NRXN1: variants seen among roughly 807,000 people sequenced by gnomAD.
NRXN1 encodes the protein neurexin 1.
NRXN1 carries 39 observed loss-of-function variants against 150.9 expected under a neutral mutation model. The observed-to-expected ratio is 0.26, with a 90% CI of 0.20 to 0.34. NRXN1 has a LOEUF of 0.34. NRXN1 is among the 10% of genes least tolerant of loss of function. The pLI, the probability that NRXN1 is intolerant of heterozygous loss-of-function variation, is 1.00. For missense variants in NRXN1, 1,815 were observed against 1,949.9 expected (o/e 0.93, Z 1.30); for synonymous variants, 924 against 757.0 (o/e 1.22, Z -3.62).
intron 17 of NRXN1, among the ~76,000 whole-genome samples, chr2:50,239,279 C>T (rs1300604795): frequency 1.3e-5 from 2 of 151,652 alleles, no homozygotes; most frequent in African/African-American, 2.4e-5. Context: ...AGTGCTGATA[C>T]TTAATAATTA....
At chr2:50,786,894 A>T (rs1312484903) in intron 5 of NRXN1, among the ~76,000 whole-genome samples, 1 of 152,196 alleles carries the variant, frequency 6.6e-6, no homozygotes. Flanking sequence ...TAACATATAA[A>T]AAAATGGAAA....
In NRXN1 at chr2:50,886,534, T is replaced by C. The variant is rs1680275142; in HGVS notation, c.832+35335A>G. Among the ~76,000 whole-genome samples, 5 of 151,496 alleles carry C rather than the reference T, an allele frequency of 3.3e-5. No individual in the cohort carries two copies. The South Asian group carries it at 1.0e-3, about 31-fold the overall frequency. ...AGACAATCTCATAAGATTTGAGATGTAGAAGATTACAAACAAAAAATAATT... is the reference window on the plus strand; with the variant it reads ...AGACAATCTCATAAGATTTGAGATGCAGAAGATTACAAACAAAAAATAATT... On this transcript the variant is annotated intron_variant, in intron 5 of 22. Transcript: ENST00000401669.
At chr2:49,934,291 A>AC (rs1670633713) in intron 22 of NRXN1, among the ~76,000 whole-genome samples, 1 of 152,150 alleles carries the variant, frequency 6.6e-6, no homozygotes, top group Admixed American at 6.5e-5. Flanking sequence ...CTGCTCTGGA[A>AC]TTGCACAGTG....
At chr2:50,954,789 TCA>T (rs1214316962) in intron 2 of NRXN1, among the ~76,000 whole-genome samples, 2 of 152,186 alleles carry the variant, frequency 1.3e-5, no homozygotes, top group Non-Finnish European at 2.9e-5. Context: ...AGGAGCTTCT[TCA>T]CAGACGTCCT....
chr2:50,805,235 A>G (rs1667359319), intron 5 of NRXN1, among the ~76,000 whole-genome samples: 2 of 152,156 alleles, frequency 1.3e-5, no homozygotes, highest in Non-Finnish European at 1.5e-5. Flanking sequence ...AAAAAAAAGT[A>G]TTGGGATTTT....
At chr2:50,008,063 G>C (rs62132489) in intron 21 of NRXN1, among the ~76,000 whole-genome samples, 3 of 151,892 alleles carry the variant, frequency 2.0e-5, no homozygotes, top group African/African-American at 4.8e-5. Context: ...CTCTTTAAAT[G>C]TGTATAACCA....
intron 5 of NRXN1, among the ~76,000 whole-genome samples, chr2:50,680,324 C>G (rs1218256460): frequency 6.6e-6 from 1 of 151,504 alleles, no homozygotes; most frequent in East Asian, 1.9e-4. Context: ...AATTTATTAC[C>G]CAAGCCACTC....
intron 5 of NRXN1, among the ~76,000 whole-genome samples, chr2:50,733,448 G>C (rs950522101): frequency 1.3e-5 from 2 of 152,082 alleles, no homozygotes; most frequent in African/African-American, 4.8e-5. Context: ...TGCTGCGTTT[G>C]GGATGGCAAA....
chr2:50,431,794 CAA>C (rs1223535388), intron 17 of NRXN1, among the ~76,000 whole-genome samples: 3 of 152,100 alleles, frequency 2.0e-5, no homozygotes, highest in African/African-American at 7.2e-5. Context: ...GTCCTTTACA[CAA>C]AAAGTTTGTT....
In NRXN1 at chr2:49,939,097, C is replaced by G. The variant is rs115865315; in HGVS notation, c.4216+4607G>C. ...GTATAAAAATAACAAATACTAATAA[C>G]AGGAAACACTCATATAGCACTTATT... is the stretch of plus-strand genomic sequence containing the variant. On this transcript the variant is annotated intron_variant, in intron 22 of 22. Coordinates refer to ENST00000401669, the MANE Select transcript of NRXN1 (RefSeq NM_001330078.2). Among the ~76,000 whole-genome samples the G allele has an allele frequency of 3.1e-3, 474 of 152,192 alleles. 2 individuals carry two copies. Among genetic ancestry groups the G allele is most frequent in the African/African-American group, 0.011 (441 of 41,524 alleles).
intron 5 of NRXN1, among the ~76,000 whole-genome samples, chr2:50,710,128 G>A (rs1433571252): frequency 6.6e-6 from 1 of 152,146 alleles, no homozygotes; most frequent in Non-Finnish European, 1.5e-5. Context: ...ACTTTACATT[G>A]TGGGTGAACA....
intron 5 of NRXN1, among the ~76,000 whole-genome samples, chr2:50,776,655 T>TAC (rs59117287): frequency 0.19 from 28,634 of 147,238 alleles, 2,942 homozygotes; most frequent in Non-Finnish European, 0.24. Flanking sequence ...TATATACACA[T>TAC]ACACACACAC....
intron 18 of NRXN1, among the ~76,000 whole-genome samples, chr2:50,233,315 T>C (rs1186822328): frequency 6.6e-6 from 1 of 151,962 alleles, no homozygotes; most frequent in Non-Finnish European, 1.5e-5. Flanking sequence ...GACAAAAAAA[T>C]CCATCTATCA....
At chr2:50,054,718 C>A (rs1693330211) in intron 20 of NRXN1, among the ~76,000 whole-genome samples, 1 of 152,036 alleles carries the variant, frequency 6.6e-6, no homozygotes, top group Admixed American at 6.6e-5. Flanking sequence ...ATTTAACAGT[C>A]CCTTTAACCT....
chr2:50,565,015 C>G (rs1669641041), intron 8 of NRXN1, among the ~76,000 whole-genome samples: 1 of 152,084 alleles, frequency 6.6e-6, no homozygotes, highest in Admixed American at 6.6e-5. Context: ...TCAATCAGCT[C>G]CCAGGCAGGT....
intron 17 of NRXN1, among the ~76,000 whole-genome samples, chr2:50,406,101 C>T (rs769270369): frequency 2.0e-5 from 3 of 152,080 alleles, no homozygotes; most frequent in Non-Finnish European, 4.4e-5. Flanking sequence ...TCCTCTGATA[C>T]ATTTTCAATC....
intron 5 of NRXN1, among the ~76,000 whole-genome samples, chr2:50,888,018 T>C (rs949076781): frequency 1.3e-4 from 19 of 151,178 alleles, no homozygotes; most frequent in African/African-American, 4.6e-4. Context: ...GGTATTTTCA[T>C]TTACATGGTC....
chr2:50,781,024 T>C (rs773436811), intron 5 of NRXN1, among the ~76,000 whole-genome samples: 1 of 152,208 alleles, frequency 6.6e-6, no homozygotes, highest in African/African-American at 2.4e-5. Flanking sequence ...TTATGAATGC[T>C]AGCACAAAAT....
chr2:50,372,039 G>A (rs1572715995), intron 17 of NRXN1, among the ~76,000 whole-genome samples: 1 of 152,114 alleles, frequency 6.6e-6, no homozygotes, highest in East Asian at 1.9e-4. Flanking sequence ...GCAGCCATGA[G>A]AAACAAAATC....
Sources: gnomAD v4.1 joint callset for allele counts (sites outside exome capture counted in the v4.1 genomes callset) on GRCh38, gnomAD v4.1.1 for gene constraint, MANE v1.5 for transcripts, NCBI Gene and HGNC (gene_info 2026-07-23, HGNC 2026-07-21) for gene names.